LAMA3: variants seen among roughly 807,000 people sequenced by gnomAD.
LAMA3 encodes laminin subunit alpha 3.
LAMA3 carries 281 observed loss-of-function variants against 402.0 expected under a neutral mutation model. The observed-to-expected ratio is 0.70, with a 90% CI of 0.63 to 0.77. The LOEUF (loss-of-function observed/expected upper bound fraction) is 0.77. Among genes scored for constraint, LAMA3 ranks in the 30% least tolerant of loss-of-function variants. The probability of loss-of-function intolerance (pLI) is 0.00; values close to 1 mark genes in which losing one functional copy is unlikely to be tolerated. For missense variants in LAMA3, 3,840 were observed against 4,215.5 expected (o/e 0.91, Z 2.47); for synonymous variants, 1,431 against 1,558.4 (o/e 0.92, Z 1.93).
intron 10 of LAMA3, among the ~76,000 whole-genome samples, chr18:23,776,491 T>C (rs2062321905): frequency 1.3e-5 from 2 of 152,162 alleles, no homozygotes; most frequent in Non-Finnish European, 2.9e-5. Flanking sequence ...GAGTGTTGGC[T>C]CTGTTTGTTG....
Position 23,876,245 on chromosome 18 carries a change from TAA to T in LAMA3, c.4999-48_4999-47del, listed in dbSNP as rs766787285. On this transcript the variant is annotated intron_variant, in intron 38 of 74. Coordinates refer to ENST00000313654, the MANE Select transcript of LAMA3 (RefSeq NM_198129.4). ...GAGAGGTGTCACATGCTTTGGATAG[TAA>T]TTGTTTTCTTTCTTTGTATTGATTA... 3.0e-4 allele frequency: 363 copies of T among 1,224,572 alleles called. 4 individuals are homozygous for T. In the South Asian group the frequency reaches 3.0e-3, roughly 10 times the overall value. 75.9% of individuals were successfully genotyped at this position (1,224,572 alleles called of 1,614,324 possible). A position where few individuals can be genotyped will look rare whatever the true frequency, so the allele number is the denominator to read the frequency against.
chr18:23,799,519 C>T (rs542729742), intron 12 of LAMA3, among the ~76,000 whole-genome samples: 98 of 152,306 alleles, frequency 6.4e-4, no homozygotes, highest in African/African-American at 2.1e-3. Context: ...TGGGTCTTCT[C>T]GCTCCCCAGA....
In LAMA3 at chr18:23,858,798, A is replaced by G. The variant is rs200531685; in HGVS notation, c.4391A>G (p.Gln1464Arg). The G allele has an allele frequency of 2.2e-5, 36 of 1,614,204 alleles. No homozygotes were observed. The African/African-American group carries it at 3.5e-4, about 16-fold the overall frequency. ...TSCFCFGVNNQCHSSHKRRTK... is the reference protein window; with the variant it reads ...TSCFCFGVNNRCHSSHKRRTK... Reference sequence around the variant, plus strand: ...TGTTTCTGTTTTGGAGTAAATAATCAATGTCACAGCTCACATAAGCGAAGG... The same window carrying G: ...TGTTTCTGTTTTGGAGTAAATAATCGATGTCACAGCTCACATAAGCGAAGG... Residue 1464 changes from glutamine to arginine, a missense_variant, in exon 34 of 75, where the codon CAA becomes CGA. Gln to Arg is a conservative substitution (Grantham distance 43). Around this residue, in one of 3 missense-constraint regions of LAMA3, gnomAD observed 2,109 missense variants for 2,376.0 expected, o/e 0.89. Transcript: ENST00000313654.
chr18:23,721,481 A>C (rs2061212234), intron 2 of LAMA3, among the ~76,000 whole-genome samples: 1 of 152,186 alleles, frequency 6.6e-6, no homozygotes, highest in South Asian at 2.1e-4. Flanking sequence ...TTGTGTGGGC[A>C]AGACTAGAAG....
At chr18:23,934,656 G>T (rs1460844213) in intron 67 of LAMA3, among the ~76,000 whole-genome samples, 1 of 152,194 alleles carries the variant, frequency 6.6e-6, no homozygotes, top group African/African-American at 2.4e-5. Context: ...CCTCGGATCT[G>T]CCAGGCACTG....
intron 2 of LAMA3, among the ~76,000 whole-genome samples, chr18:23,726,246 G>T (rs1417795523): frequency 6.6e-6 from 1 of 152,174 alleles, no homozygotes; most frequent in Non-Finnish European, 1.5e-5. Flanking sequence ...TCCAGGTGGT[G>T]TCTCCAGCAC....
intron 23 of LAMA3, among the ~76,000 whole-genome samples, chr18:23,828,364 T>C: frequency 6.6e-6 from 1 of 152,218 alleles, no homozygotes; most frequent in Admixed American, 6.5e-5. Context: ...ATTTTCATGC[T>C]ACGAAATAAT....
chr18:23,904,605 G>A lies in LAMA3; in HGVS notation c.6526G>A (p.Ala2176Thr), dbSNP rs142259729. Residue 2176 changes from alanine (A) to threonine (T), a missense_variant, in exon 51 of 75, where the codon GCC becomes ACC. Physicochemically the swap from Ala to Thr is moderately conservative, Grantham distance 58. This residue lies in a region of LAMA3 where 891 missense variants were observed against 857.5 expected (regional missense o/e 1.04). Transcript: ENST00000313654. ...DELVRCAVDA[A>T]TAYENILNAI... ...GCTGGTGCGCTGTGCTGTGGATGCC[G>A]CCACCGCCTACGAGAACATCCTCAA... is the stretch of plus-strand genomic sequence containing the variant. The A allele has an allele frequency of 9.2e-5, 149 of 1,612,122 alleles. No homozygotes were observed. The African/African-American group carries it at 1.2e-3, about 13-fold the overall frequency.
At chr18:23,817,156 T>C (rs2063192132) in intron 18 of LAMA3, among the ~76,000 whole-genome samples, 1 of 152,166 alleles carries the variant, frequency 6.6e-6, no homozygotes, top group Non-Finnish European at 1.5e-5. Flanking sequence ...GACAATGAAC[T>C]ATAGGAGCGA....
At chr18:23,863,088 A>G (rs1258675009) in intron 35 of LAMA3, among the ~76,000 whole-genome samples, 2 of 152,134 alleles carry the variant, frequency 1.3e-5, no homozygotes, top group Non-Finnish European at 2.9e-5. Flanking sequence ...TAATTTCAGA[A>G]CTGCCATGCC....
At position 23,904,623 on chromosome 18, in the gene LAMA3, A is replaced by G; in HGVS notation, c.6544A>G (p.Ile2182Val). Residue 2182 changes from isoleucine to valine, a missense_variant, in exon 51 of 75, where the codon ATC becomes GTC. This residue lies in a region of LAMA3 where 891 missense variants were observed against 857.5 expected (regional missense o/e 1.04). Coordinates refer to ENST00000313654, the MANE Select transcript of LAMA3 (RefSeq NM_198129.4). ...AVDAATAYEN[I>V]LNAIKAAEDA... is the part of the protein sequence containing the mutation. ...GGATGCCGCCACCGCCTACGAGAAC[A>G]TCCTCAATGCCATCAAAGCGGCCGA... The G allele has an allele frequency of 6.2e-7, 1 of 1,613,800 alleles. No individual in the cohort carries two copies.
intron 9 of LAMA3, among the ~76,000 whole-genome samples, chr18:23,775,465 A>T (rs1391517014): frequency 6.6e-6 from 1 of 152,156 alleles, no homozygotes; most frequent in Non-Finnish European, 1.5e-5. Context: ...AACTAAGGCA[A>T]ATACCCCCAC....
chr18:23,721,680 T>C lies in LAMA3; in HGVS notation c.447+7608T>C, dbSNP rs1943384. On this transcript the variant is annotated intron_variant, in intron 2 of 74. Coordinates refer to ENST00000313654, the MANE Select transcript of LAMA3 (RefSeq NM_198129.4). ...TACCATTTAGTAAACTCATTATGTC[T>C]TGTGCCGTATTATCTCTGGAGTCTG... is the stretch of plus-strand genomic sequence containing the variant. Among the ~76,000 whole-genome samples, 797 of 152,292 alleles carry C rather than the reference T, an allele frequency of 5.2e-3. 3 individuals are homozygous for C. The highest frequency in any genetic ancestry group is 0.024 in the Middle Eastern group (7 of 294).
intron 73 of LAMA3, 50 bp downstream of exon 73, chr18:23,951,827 C>T: frequency 7.1e-7 from 1 of 1,417,714 alleles, no homozygotes; most frequent in Non-Finnish European, 9.9e-7. Context: ...GGCCCCCTTT[C>T]CATTTTGACT....
chr18:23,770,436 A>C (rs1432786143), intron 8 of LAMA3, among the ~76,000 whole-genome samples: 1 of 152,118 alleles, frequency 6.6e-6, no homozygotes, highest in Non-Finnish European at 1.5e-5. Context: ...TGACAAAAGT[A>C]GATATATAAA....
At chr18:23,792,802 G>A (rs953439583) in intron 12 of LAMA3, among the ~76,000 whole-genome samples, 7 of 152,196 alleles carry the variant, frequency 4.6e-5, no homozygotes, top group African/African-American at 1.7e-4. Context: ...AAATATGGGG[G>A]AATCCAGGTG....
chr18:23,826,890 A>T, intron 22 of LAMA3, 91 bp downstream of exon 22: 2 of 754,178 alleles, frequency 2.7e-6, no homozygotes, highest in Non-Finnish European at 4.7e-6. Flanking sequence ...TCTCAGGATC[A>T]CAACGACAGC....
Position 23,814,457 on chromosome 18 carries a change from C to T in LAMA3, c.1843C>T (p.Leu615=), listed in dbSNP as rs372932883. The change falls in exon 15 of 75, where the codon CTG becomes TTG. Residue 615 remains leucine, a synonymous_variant. Coordinates refer to ENST00000313654, the MANE Select transcript of LAMA3 (RefSeq NM_198129.4). ...VEGPTCSRCK[L]LYWNLDKENP... ...AGGTCCTACTTGTAGCCGCTGCAAA[C>T]TGTTATATTGGAATCTGGACAAAGA... 33 of 1,613,802 alleles carry T rather than the reference C, an allele frequency of 2.0e-5. No homozygotes were observed. The highest frequency in any genetic ancestry group is 1.9e-5 in the Non-Finnish European group (23 of 1,179,838).
At chr18:23,953,812 G>C (rs1225074803) in intron 74 of LAMA3, among the ~76,000 whole-genome samples, 1 of 152,206 alleles carries the variant, frequency 6.6e-6, no homozygotes, top group African/African-American at 2.4e-5. Flanking sequence ...GAATCAGGTA[G>C]GCTGAAATGG....
Sources: gnomAD v4.1 joint callset for allele counts (sites outside exome capture counted in the v4.1 genomes callset) on GRCh38, gnomAD v4.1.1 for gene constraint, gnomAD v4.1.1 regional missense constraint, MANE v1.5 for transcripts, NCBI Gene and HGNC (gene_info 2026-07-23, HGNC 2026-07-21) for gene names.